FCHO1: variants seen among roughly 807,000 people sequenced by gnomAD.
FCHO1 encodes FCH and mu domain containing endocytic adaptor 1.
Under a neutral mutation model 114.4 loss-of-function variants are expected in FCHO1, and 45 were observed. The observed-to-expected ratio is 0.39, with a 90% CI of 0.31 to 0.50. The LOEUF is 0.50. Among genes scored for constraint, FCHO1 ranks in the 20% least tolerant of loss-of-function variants. FCHO1 has a pLI of 0.77. For missense variants in FCHO1, 1,042 were observed against 1,209.6 expected (o/e 0.86, Z 2.06); for synonymous variants, 480 against 488.9 (o/e 0.98, Z 0.24).
At chr19:17,747,907 C>G (rs2080918555), upstream of FCHO1, 1 of 152,380 alleles carries the variant, frequency 6.6e-6, no homozygotes, top group Non-Finnish European at 1.5e-5. Flanking sequence ...CTGCGGAGGG[C>G]AAAGGCGCGG....
At chr19:17,749,883 T>G (rs1397168234), upstream of FCHO1, among the ~76,000 whole-genome samples, 1 of 152,152 alleles carries the variant, frequency 6.6e-6, no homozygotes, top group Non-Finnish European at 1.5e-5. Flanking sequence ...CTGGCCCTAC[T>G]GTACATACAC....
At chr19:17,764,994 G>A (rs1351639873) in intron 6 of FCHO1, among the ~76,000 whole-genome samples, 1 of 151,348 alleles carries the variant, frequency 6.6e-6, no homozygotes, top group Non-Finnish European at 1.5e-5. Context: ...AACCCAGGAG[G>A]CGGAGGTTGC....
intron 4 of FCHO1, among the ~76,000 whole-genome samples, chr19:17,758,308 A>G (rs1396769978): frequency 6.6e-6 from 1 of 151,954 alleles, no homozygotes. Flanking sequence ...AAGTTTCTAG[A>G]GCAGGTGGCA....
At chr19:17,759,007 C>T (rs1367019180) in intron 4 of FCHO1, among the ~76,000 whole-genome samples, 1 of 151,882 alleles carries the variant, frequency 6.6e-6, no homozygotes, top group Non-Finnish European at 1.5e-5. Flanking sequence ...ATTCAAGCTT[C>T]CGGGTACCTG....
chr19:17,784,669 G>A lies in FCHO1; in HGVS notation c.2227-56G>A, dbSNP rs899793412. 1.3e-6 allele frequency: 2 copies of A among 1,547,678 alleles called. No individual in the cohort carries two copies. Among genetic ancestry groups the A allele is most frequent in the African/African-American group, 1.4e-5 (1 of 73,706 alleles). On this transcript the variant is annotated intron_variant, in intron 25 of 28. Coordinates refer to ENST00000596536, the MANE Select transcript of FCHO1 (RefSeq NM_015122.3). The surrounding 1 kb of genome is among the most constrained non-coding windows in gnomAD (Gnocchi z 5.3). ...TCAAGGTGGTTGAATAGCGCATGGT[G>A]TGGCAAGACAGGATGGCCCAAGCTG...
rs770504434 is a variant in FCHO1, at chr19:17,775,104, G to T, written c.945+24G>T. 6.2e-7 allele frequency: 1 copy of T among 1,609,028 alleles called. No homozygotes were observed. The highest frequency in any genetic ancestry group is 8.5e-7 in the Non-Finnish European group (1 of 1,177,134). On this transcript the variant is annotated intron_variant, in intron 14 of 28. Transcript: ENST00000596536. This position sits in a 1 kb window ranked among gnomAD's most constrained non-coding sequence, Gnocchi z 5.1. The stretch of plus-strand genomic sequence containing the variant: ...GGGTGAGTGATGTGGGAGGGGTCAG[G>T]CTGGGCTACAAGTGGAAGGAGTTTG...
At chr19:17,785,554 C>G (rs2093799506) in intron 26 of FCHO1, among the ~76,000 whole-genome samples, 1 of 152,096 alleles carries the variant, frequency 6.6e-6, no homozygotes, top group South Asian at 2.1e-4. Context: ...AGTAGTCAGG[C>G]CGGGTGCGGT....
chr19:17,770,299 C>G (rs1253453214), intron 7 of FCHO1, 126 bp from the exon 8 acceptor site: 1 of 965,818 alleles, frequency 1.0e-6, no homozygotes, highest in Non-Finnish European at 1.5e-6. Flanking sequence ...GAAACTCTGT[C>G]TAAAAAAAAC....
chr19:17,753,293 G>A (rs1439219947), intron 1 of FCHO1, among the ~76,000 whole-genome samples: 4 of 152,208 alleles, frequency 2.6e-5, no homozygotes, highest in African/African-American at 7.2e-5. Flanking sequence ...AGGGGGTGTG[G>A]TGGGGACTGA....
At chr19:17,781,128 A>G in intron 20 of FCHO1, 103 bp from the exon 21 acceptor site, 1 of 773,162 alleles carries the variant, frequency 1.3e-6, no homozygotes, top group East Asian at 2.5e-5. Context: ...GGGTCTCTGC[A>G]GAAAAGCCCA....
chr19:17,769,625 AC>A (rs1568341723), intron 7 of FCHO1, among the ~76,000 whole-genome samples: 49 of 126,956 alleles, frequency 3.9e-4, no homozygotes, highest in Middle Eastern at 4.1e-3. Flanking sequence ...ACACACACAC[AC>A]ACACACAAAA....
At chr19:17,774,518 C>T (rs775921935) in intron 13 of FCHO1, 40 bp downstream of exon 13, 37 of 1,539,250 alleles carry the variant, frequency 2.4e-5, no homozygotes, top group South Asian at 1.2e-4. Flanking sequence ...CAGGCTAGAC[C>T]GAGATCCCCT....
intron 19 of FCHO1, 101 bp from the exon 20 acceptor site, chr19:17,778,508 C>A (rs898677778): frequency 2.9e-6 from 4 of 1,357,218 alleles, no homozygotes; most frequent in Non-Finnish European, 3.9e-6. Flanking sequence ...TGAATGGGGG[C>A]CCCCCTGACC....
At chr19:17,768,353 AGCCACCGC>A (rs1488913205) in intron 7 of FCHO1, among the ~76,000 whole-genome samples, 1 of 149,604 alleles carries the variant, frequency 6.7e-6, no homozygotes, top group Non-Finnish European at 1.5e-5. Context: ...TACAGGTGTG[AGCCACCGC>A]GCCTGGCTTT....
intron 11 of FCHO1, 147 bp from the exon 12 acceptor site, chr19:17,774,092 A>G (rs535411111): frequency 2.9e-6 from 2 of 682,448 alleles, no homozygotes; most frequent in African/African-American, 1.8e-5. Context: ...TAATTTTAGC[A>G]GAGACAGGGT....
At chr19:17,748,642 G>A (rs541791492), upstream of FCHO1, among the ~76,000 whole-genome samples, 6 of 151,856 alleles carry the variant, frequency 4.0e-5, no homozygotes, top group African/African-American at 1.4e-4. Flanking sequence ...GGCTTGGGGG[G>A]TGGGGGACCC....
Position 17,774,382 on chromosome 19 carries a change from A to G in FCHO1, c.836-12A>G, listed in dbSNP as rs368402251. The G allele has an allele frequency of 1.2e-5, 20 of 1,613,742 alleles. No individual in the cohort carries two copies. The highest frequency in any genetic ancestry group is 2.7e-5 in the African/African-American group (2 of 74,918). Reference sequence around the variant, plus strand: ...GCTCACAGTGCTCAGGTGCCCCCCAATCTATCCTCAGCGATGAAACGTTTG... The same window carrying G: ...GCTCACAGTGCTCAGGTGCCCCCCAGTCTATCCTCAGCGATGAAACGTTTG... On this transcript the variant is annotated splice_polypyrimidine_tract_variant and intron_variant, in intron 12 of 28. Transcript: ENST00000596536.
At chr19:17,774,591 G>A in intron 13 of FCHO1, 113 bp downstream of exon 13, 1 of 819,342 alleles carries the variant, frequency 1.2e-6, no homozygotes, top group East Asian at 2.7e-5. Context: ...CATATTCCAG[G>A]CTGGACCAGG....
In FCHO1 at chr19:17,778,507, G is replaced by T. The variant is rs2092942049; in HGVS notation, c.1352-102G>T. On this transcript the variant is annotated intron_variant, in intron 19 of 28. Coordinates refer to ENST00000596536, the MANE Select transcript of FCHO1 (RefSeq NM_015122.3). ...GCGTGCACAAGGACTTTGAATGGGG[G>T]CCCCCCTGACCTTCCCTCGACGTGG... The T allele has an allele frequency of 4.4e-6, 6 of 1,370,610 alleles. No individual in the cohort carries two copies. The East Asian group carries it at 7.6e-5, about 17-fold the overall frequency. The allele number at this position is 1,370,610 out of a possible 1,614,324, so 84.9% of individuals were successfully genotyped here. A position where few individuals can be genotyped will look rare whatever the true frequency, so the allele number is the denominator to read the frequency against.
Sources: gnomAD v4.1 joint callset for allele counts (sites outside exome capture counted in the v4.1 genomes callset) on GRCh38, gnomAD v4.1.1 for gene constraint, Gnocchi (gnomAD v3.1) non-coding constraint, MANE v1.5 for transcripts, NCBI Gene and HGNC (gene_info 2026-07-23, HGNC 2026-07-21) for gene names.